The following ACOXL variants were observed in gnomAD, a reference collection of about 807,000 sequenced individuals.
The protein encoded by ACOXL is acyl-CoA oxidase like.
ACOXL carries 70 observed loss-of-function variants against 71.9 expected under a neutral mutation model. The ratio of observed to expected loss-of-function variants is 0.97; its 90% CI spans 0.80 to 1.19. The LOEUF (loss-of-function observed/expected upper bound fraction) is 1.19. Among genes scored for constraint, ACOXL ranks in the 50% most tolerant of loss-of-function variants. The pLI is 0.00. For synonymous variants in ACOXL, 253 were observed against 281.6 expected (o/e 0.90, Z 1.02); for missense variants, 703 against 736.3 (o/e 0.95, Z 0.52).
At chr2:110,787,165 A>G (rs1381624168) in intron 3 of ACOXL, among the ~76,000 whole-genome samples, 1 of 152,128 alleles carries the variant, frequency 6.6e-6, no homozygotes, top group Non-Finnish European at 1.5e-5. Context: ...ATTTTTCCAT[A>G]ATAAAATTTT....
At chr2:110,890,692 A>G (rs1390146230) in intron 10 of ACOXL, among the ~76,000 whole-genome samples, 3 of 152,140 alleles carry the variant, frequency 2.0e-5, no homozygotes, top group Non-Finnish European at 2.9e-5. Flanking sequence ...TGCCAGTATC[A>G]CCTTTTCTCA....
chr2:111,078,113 T>C (rs530785121), intron 16 of ACOXL, among the ~76,000 whole-genome samples: 1 of 152,180 alleles, frequency 6.6e-6, no homozygotes, highest in East Asian at 1.9e-4. Context: ...TTCTCTCTGT[T>C]GTTCAGATAG....
At chr2:110,867,882 CCT>C (rs1350136452) in intron 10 of ACOXL, among the ~76,000 whole-genome samples, 1 of 152,140 alleles carries the variant, frequency 6.6e-6, no homozygotes, top group Non-Finnish European at 1.5e-5. Flanking sequence ...CCTACCTCAG[CCT>C]CCCGAGTAGC....
chr2:110,818,211 A>G (rs1205141993), intron 9 of ACOXL, among the ~76,000 whole-genome samples: 5 of 151,744 alleles, frequency 3.3e-5, no homozygotes, highest in Non-Finnish European at 5.9e-5. Context: ...CCTGGTCAAC[A>G]TGAAACCCCA....
At chr2:110,771,928 G>A (rs1023234428) in intron 2 of ACOXL, among the ~76,000 whole-genome samples, 4 of 152,174 alleles carry the variant, frequency 2.6e-5, no homozygotes, top group Non-Finnish European at 5.9e-5. Flanking sequence ...CTGCATGGGG[G>A]ACAGCTTCCT....
chr2:110,820,255 C>T (rs1311626090), intron 9 of ACOXL, among the ~76,000 whole-genome samples: 5 of 152,092 alleles, frequency 3.3e-5, no homozygotes, highest in African/African-American at 7.2e-5. Context: ...AACAGGAGCA[C>T]GTCTGAGCCC....
At chr2:111,069,849 T>C (rs1255347642) in intron 16 of ACOXL, among the ~76,000 whole-genome samples, 1 of 152,034 alleles carries the variant, frequency 6.6e-6, no homozygotes, top group Non-Finnish European at 1.5e-5. Flanking sequence ...GGGAATAACC[T>C]TGCCTCTGCT....
At chr2:110,849,470 G>T (rs1441546271) in intron 10 of ACOXL, among the ~76,000 whole-genome samples, 3 of 152,184 alleles carry the variant, frequency 2.0e-5, no homozygotes, top group African/African-American at 7.2e-5. Flanking sequence ...AAAGGCAAAA[G>T]ACCTAGGCTG....
At chr2:110,854,532 C>T (rs562861255) in intron 10 of ACOXL, among the ~76,000 whole-genome samples, 1 of 152,168 alleles carries the variant, frequency 6.6e-6, no homozygotes, top group African/African-American at 2.4e-5. Context: ...TTTGTTTGCT[C>T]TCCACCAGCA....
intron 14 of ACOXL, among the ~76,000 whole-genome samples, chr2:111,001,425 G>A (rs1007163337): frequency 5.1e-5 from 6 of 118,446 alleles, no homozygotes; most frequent in Non-Finnish European, 1.2e-4. Flanking sequence ...AAAAACCCTA[G>A]CTATAAACAA....
At chr2:110,854,286 T>G (rs1692978296) in intron 10 of ACOXL, among the ~76,000 whole-genome samples, 1 of 152,218 alleles carries the variant, frequency 6.6e-6, no homozygotes, top group African/African-American at 2.4e-5. Flanking sequence ...TGGTACAATT[T>G]CCAGGCATCT....
chr2:111,049,272 A>G lies in ACOXL; in HGVS notation c.1424A>G (p.Gln475Arg). Residue 475 changes from glutamine to arginine, a missense_variant, in exon 16 of 18, where the codon CAG (glutamine) becomes CGG (arginine). Transcript: ENST00000439055. The stretch of plus-strand genomic sequence containing the variant: ...AAGAGCTGTCCTGACCAAGAGGACC[A>G]GACTTTGTTAATGAAGGTAGGTTAT... ...AVKSCPDQED[Q>R]TLLMKFCLLY... 1 of 1,610,752 alleles carries G rather than the reference A, an allele frequency of 6.2e-7. No homozygotes were observed. Among genetic ancestry groups the G allele is most frequent in the Non-Finnish European group, 8.5e-7 (1 of 1,176,934 alleles).
intron 7 of ACOXL, among the ~76,000 whole-genome samples, chr2:110,800,797 T>G (rs572251797): frequency 6.6e-6 from 1 of 151,988 alleles, no homozygotes; most frequent in East Asian, 1.9e-4. Flanking sequence ...CTCCCGGGGG[T>G]GACCGAGGCC....
At chr2:110,953,195 C>G (rs2061385558) in intron 12 of ACOXL, among the ~76,000 whole-genome samples, 1 of 152,140 alleles carries the variant, frequency 6.6e-6, no homozygotes, top group African/African-American at 2.4e-5. Context: ...TACCCAAGAT[C>G]ACACAGCTCC....
intron 3 of ACOXL, among the ~76,000 whole-genome samples, chr2:110,788,311 A>C (rs1194226169): frequency 1.3e-5 from 2 of 152,250 alleles, no homozygotes; most frequent in Non-Finnish European, 2.9e-5. Flanking sequence ...CAGCCACAAA[A>C]AATAGTGAAG....
At chr2:111,089,332 T>C (rs1307689645) in intron 16 of ACOXL, among the ~76,000 whole-genome samples, 2 of 151,732 alleles carry the variant, frequency 1.3e-5, no homozygotes, top group East Asian at 3.9e-4. Context: ...CAAACAAATT[T>C]GGAAAAATTG....
chr2:110,733,351 C>T (rs1375233355), intron 1 of ACOXL, among the ~76,000 whole-genome samples: 1 of 152,146 alleles, frequency 6.6e-6, no homozygotes, highest in Non-Finnish European at 1.5e-5. Context: ...TCATCCGATG[C>T]CAGGACAGCC....
intron 7 of ACOXL, among the ~76,000 whole-genome samples, chr2:110,800,728 G>C (rs1685884020): frequency 6.6e-6 from 1 of 152,156 alleles, no homozygotes; most frequent in Admixed American, 6.5e-5. Context: ...AGTGTTTACT[G>C]TGCACTGCCA....
At chr2:111,065,863 A>T (rs978860636) in intron 16 of ACOXL, among the ~76,000 whole-genome samples, 1 of 152,204 alleles carries the variant, frequency 6.6e-6, no homozygotes, top group Non-Finnish European at 1.5e-5. Flanking sequence ...AAAATAAACA[A>T]CAGTGATAAC....
Sources: gnomAD v4.1 joint callset for allele counts (sites outside exome capture counted in the v4.1 genomes callset) on GRCh38, gnomAD v4.1.1 for gene constraint, MANE v1.5 for transcripts, NCBI Gene and HGNC (gene_info 2026-07-23, HGNC 2026-07-21) for gene names.